ALS2: variants seen among roughly 807,000 people sequenced by gnomAD.
The protein encoded by ALS2 is alsin Rho guanine nucleotide exchange factor ALS2, also known as alsin.
ALS2 carries 117 observed loss-of-function variants against 203.4 expected under a neutral mutation model. That is an observed-to-expected ratio of 0.58 (90% CI 0.50 to 0.67). ALS2 has a LOEUF of 0.67. Among genes scored for constraint, ALS2 ranks in the 30% least tolerant of loss-of-function variants. The pLI, the probability that ALS2 is intolerant of heterozygous loss-of-function variation, is 0.00. For synonymous variants in ALS2, 718 were observed against 725.9 expected (o/e 0.99, Z 0.17); for missense variants, 1,715 against 1,989.4 (o/e 0.86, Z 2.62).
chr2:201,710,020 GCA>G lies in ALS2; in HGVS notation c.4139_4140del (p.Leu1380ProfsTer15). On this transcript the variant is annotated frameshift_variant, in exon 27 of 34. Transcript: ENST00000264276. LOFTEE classifies it high-confidence loss of function. ...KYLIKACDTP[L>X]HPLGRLVETL... The stretch of plus-strand genomic sequence containing the variant: ...GTCTCCACAAGCCTGCCCAGGGGGT[GCA>G]GAGGAGTGTCACAGGCCTGAGTAGG... 1 of 1,613,908 alleles carries G rather than the reference GCA, an allele frequency of 6.2e-7. No individual in the cohort carries two copies. Among genetic ancestry groups the G allele is most frequent in the East Asian group, 2.2e-5 (1 of 44,886 alleles).
At chr2:201,722,784 T>G (rs540424294) in intron 23 of ALS2, 1 of 506,564 alleles carries the variant, frequency 2.0e-6, no homozygotes, top group African/African-American at 1.9e-5. Context: ...ATAGAGTGAT[T>G]AAGGGTGATT....
intron 27 of ALS2, among the ~76,000 whole-genome samples, chr2:201,709,332 T>G (rs542047674): frequency 3.3e-5 from 5 of 152,366 alleles, no homozygotes; most frequent in Middle Eastern, 3.4e-3. Flanking sequence ...CTACATATAT[T>G]TTTTATGTTT....
intron 11 of ALS2, among the ~76,000 whole-genome samples, chr2:201,740,865 C>G (rs1692222989): frequency 6.6e-6 from 1 of 152,154 alleles, no homozygotes; most frequent in Non-Finnish European, 1.5e-5. Context: ...AAAACACCAA[C>G]AAAACACGAA....
Position 201,768,937 on chromosome 2 carries a change from T to A in ALS2, c.-52A>T, listed in dbSNP as rs185678218. On this transcript the variant is annotated 5_prime_UTR_variant, in exon 2 of 34. Transcript: ENST00000264276. ...AATCATTCCTTCTTTACAGAAAGTCTATCAAGACCTAAACAGTACAAGTAA... is the reference window on the plus strand; with the variant it reads ...AATCATTCCTTCTTTACAGAAAGTCAATCAAGACCTAAACAGTACAAGTAA... The A allele has an allele frequency of 1.3e-6, 2 of 1,559,000 alleles. No individual in the cohort carries two copies. The highest frequency in any genetic ancestry group is 3.3e-5 in the Admixed American group (2 of 59,822).
intron 7 of ALS2, among the ~76,000 whole-genome samples, chr2:201,750,327 C>T (rs540568482): frequency 6.6e-6 from 1 of 152,206 alleles, no homozygotes; most frequent in East Asian, 1.9e-4. Context: ...ACAATCCTAA[C>T]AAAAATAAAT....
At chr2:201,710,152 A>G (rs1175602977) in intron 26 of ALS2, 114 bp from the exon 27 acceptor site, 1 of 1,280,612 alleles carries the variant, frequency 7.8e-7, no homozygotes, top group African/African-American at 1.5e-5. Flanking sequence ...TCAAGAGTCA[A>G]TTTTGGGACC....
chr2:201,750,091 G>A (rs1039253867), intron 7 of ALS2, among the ~76,000 whole-genome samples: 25 of 151,608 alleles, frequency 1.6e-4, no homozygotes, highest in African/African-American at 6.1e-4. Flanking sequence ...GCTTGAACCC[G>A]GCAGGCAGAA....
At chr2:201,774,342 A>T (rs975868259) in intron 1 of ALS2, among the ~76,000 whole-genome samples, 1 of 152,176 alleles carries the variant, frequency 6.6e-6, no homozygotes, top group African/African-American at 2.4e-5. Flanking sequence ...GAAAGAAGAG[A>T]GATCACAGGT....
At chr2:201,765,488 A>G (rs1694029455) in intron 3 of ALS2, 2 of 167,106 alleles carry the variant, frequency 1.2e-5, no homozygotes. Context: ...GTCCTGAAGA[A>G]TAATATTATA....
At chr2:201,746,476 A>G in intron 9 of ALS2, 90 bp downstream of exon 9, 2 of 1,443,484 alleles carry the variant, frequency 1.4e-6, no homozygotes, top group Non-Finnish European at 1.9e-6. Flanking sequence ...GATGCTTACT[A>G]ATAATTAGCC....
chr2:201,773,063 T>C (rs999445822), intron 1 of ALS2, among the ~76,000 whole-genome samples: 1 of 152,096 alleles, frequency 6.6e-6, no homozygotes, highest in African/African-American at 2.4e-5. Flanking sequence ...GGTTTCACTA[T>C]GTTGCCCAGA....
chr2:201,704,110 A>G lies in ALS2; in HGVS notation c.4935+12T>C. 6.3e-7 allele frequency: 1 copy of G among 1,593,676 alleles called. No homozygotes were observed. The highest frequency in any genetic ancestry group is 8.6e-7 in the Non-Finnish European group (1 of 1,161,584). ...TGAAGATAAGAAAGTATTAAATAAT[A>G]ACTATACTCACCTTCAAGGTGGTGA... On this transcript the variant is annotated intron_variant, in intron 33 of 33. Coordinates refer to ENST00000264276, the MANE Select transcript of ALS2 (RefSeq NM_020919.4).
chr2:201,730,828 C>T (rs1470508605), intron 13 of ALS2, among the ~76,000 whole-genome samples: 3 of 152,204 alleles, frequency 2.0e-5, no homozygotes, highest in Admixed American at 1.3e-4. Context: ...CAGTGAAGAA[C>T]GCAGTGACTA....
rs566379722 is a variant in ALS2 at position 201,739,170 on chromosome 2, T to C, written c.2352-435A>G. Among the ~76,000 whole-genome samples, 4 of 142,624 alleles carry C rather than the reference T, an allele frequency of 2.8e-5. No homozygotes were observed. The East Asian group carries it at 8.3e-4, about 29-fold the overall frequency. The allele number at this position is 142,624 out of a possible 152,430, so 93.6% of individuals were successfully genotyped here. The stretch of plus-strand genomic sequence containing the variant: ...GGGAGGATCCCTTGAGCCTGGGAGG[T>C]TGAGGCTGCAGTGAGCTGTGATTCC... On this transcript the variant is annotated intron_variant, in intron 11 of 33. Transcript: ENST00000264276.
At chr2:201,739,154 C>A (rs182800384) in intron 11 of ALS2, among the ~76,000 whole-genome samples, 38 of 147,798 alleles carry the variant, frequency 2.6e-4, no homozygotes, top group African/African-American at 7.7e-4. Flanking sequence ...TGGGAGGATC[C>A]CTTGAGCCTG....
chr2:201,735,451 T>C (rs1263244590), intron 12 of ALS2, among the ~76,000 whole-genome samples: 2 of 152,214 alleles, frequency 1.3e-5, no homozygotes, highest in Non-Finnish European at 2.9e-5. Flanking sequence ...AGCAGCTGAG[T>C]GATCAATTAG....
intron 25 of ALS2, 144 bp from the exon 26 acceptor site, chr2:201,711,252 C>A: frequency 1.6e-6 from 1 of 631,828 alleles, no homozygotes. Flanking sequence ...CAGAAATCAT[C>A]ACGATCCTGC....
In ALS2 at chr2:201,720,539, C is replaced by CAAAA. The variant is rs34418114; in HGVS notation, c.3703-2333_3703-2330dup. Among the ~76,000 whole-genome samples the CAAAA allele has an allele frequency of 3.3e-4, 22 of 66,494 alleles. 1 individual carries two copies. Among genetic ancestry groups the CAAAA allele is most frequent in the South Asian group, 1.8e-3 (3 of 1,658 alleles). 43.6% of individuals were successfully genotyped at this position (66,494 alleles called of 152,430 possible). On this transcript the variant is annotated intron_variant, in intron 23 of 33. Coordinates refer to ENST00000264276, the MANE Select transcript of ALS2 (RefSeq NM_020919.4). ...GCAACATAGCGAAACTCTGTCTCTA[C>CAAAA]AAAAAAAAAAAAAAAAAAAAAAAAA...
intron 10 of ALS2, among the ~76,000 whole-genome samples, chr2:201,743,777 A>G (rs1317554789): frequency 2.0e-5 from 3 of 152,196 alleles, no homozygotes; most frequent in Admixed American, 6.5e-5. Context: ...GCCCAGTCGG[A>G]TAAGAGCTTT....
Sources: gnomAD v4.1 joint callset for allele counts (sites outside exome capture counted in the v4.1 genomes callset) on GRCh38, gnomAD v4.1.1 for gene constraint, MANE v1.5 for transcripts, NCBI Gene and HGNC (gene_info 2026-07-23, HGNC 2026-07-21) for gene names.